Variants in KCNQ1 observed in about 807,000 individuals in gnomAD.
KCNQ1 encodes the protein potassium voltage-gated channel subfamily KQT member 1.
A neutral mutation model predicts 72.4 loss-of-function variants in KCNQ1; 49 were observed. That is an observed-to-expected ratio of 0.68 (90% CI 0.54 to 0.86). KCNQ1 has a LOEUF of 0.86. KCNQ1 is among the 40% of genes least tolerant of loss of function. The pLI is 0.00. For synonymous variants in KCNQ1, 450 were observed against 412.6 expected (o/e 1.09, Z -1.10); for missense variants, 790 against 945.1 (o/e 0.84, Z 2.15).
intron 11 of KCNQ1, chr11:2,665,785 C>T: frequency 2.5e-6 from 1 of 398,640 alleles, no homozygotes. Context: ...TCACTCAACC[C>T]TGCCTAAGAT....
At chr11:2,672,745 T>C (rs2133870192) in intron 11 of KCNQ1, 1 of 398,872 alleles carries the variant, frequency 2.5e-6, no homozygotes, top group Non-Finnish European at 4.4e-6. Flanking sequence ...CTATGCTTTT[T>C]TGCTGGTCCA....
intron 1 of KCNQ1, among the ~76,000 whole-genome samples, chr11:2,505,399 T>C (rs1254207254): frequency 6.6e-6 from 1 of 152,200 alleles, no homozygotes; most frequent in Non-Finnish European, 1.5e-5. Context: ...TGGCCTGATC[T>C]CTCCTGGGAA....
chr11:2,816,063 C>T lies in KCNQ1; in HGVS notation c.1795-31704C>T, dbSNP rs567800964. Among the ~76,000 whole-genome samples the T allele has an allele frequency of 2.0e-5, 3 of 152,130 alleles. No homozygotes were observed. Among genetic ancestry groups the T allele is most frequent in the East Asian group, 1.9e-4 (1 of 5,186 alleles). ...TAGATGAATGTGGACGGCTGGCGGC[C>T]GGGGCTTGGGAGATCAAGAAGTCCC... On this transcript the variant is annotated intron_variant, in intron 15 of 15. Transcript: ENST00000155840. This position sits in a 1 kb window ranked among gnomAD's most constrained non-coding sequence, Gnocchi z 6.8.
chr11:2,573,105 C>T, intron 6 of KCNQ1, 119 bp downstream of exon 6: 1 of 1,195,676 alleles, frequency 8.4e-7, no homozygotes. Context: ...CACCTGCACG[C>T]TCACAGGCCT....
At chr11:2,740,685 A>G (rs890454535) in intron 11 of KCNQ1, among the ~76,000 whole-genome samples, 1 of 152,208 alleles carries the variant, frequency 6.6e-6, no homozygotes, top group African/African-American at 2.4e-5. Flanking sequence ...TGGAGGCTCT[A>G]GGGAGAGTCC....
rs1015089521 is a variant in KCNQ1, at chr11:2,537,059, T to C, written c.477+9041T>C. On this transcript the variant is annotated intron_variant, in intron 2 of 15. Transcript: ENST00000155840. The surrounding 1 kb of genome is among the most constrained non-coding windows in gnomAD (Gnocchi z 5.2). ...ACTCCACTGTGACCCCCCTCCTAAC[T>C]GATCATATCTGCAGGGACCCCATTT... 2.6e-5 allele frequency among the ~76,000 whole-genome samples: 4 copies of C among 151,992 alleles called. No individual in the cohort carries two copies. The highest frequency in any genetic ancestry group is 4.8e-5 in the African/African-American group (2 of 41,272).
Position 2,772,985 on chromosome 11 carries a change from G to A in KCNQ1, c.1591-2975G>A, listed in dbSNP as rs888430211. 2.0e-5 allele frequency among the ~76,000 whole-genome samples: 3 copies of A among 152,190 alleles called. No homozygotes were observed. Among genetic ancestry groups the A allele is most frequent in the East Asian group, 1.9e-4 (1 of 5,202 alleles). On this transcript the variant is annotated intron_variant, in intron 12 of 15. Transcript: ENST00000155840. This position sits in a 1 kb window ranked among gnomAD's most constrained non-coding sequence, Gnocchi z 6.6. ...TCAATGTGTTCTGAAGAGAGGCTTCGGCCACAGCTGGCTGTGACTCTGGCT... is the reference window on the plus strand; with the variant it reads ...TCAATGTGTTCTGAAGAGAGGCTTCAGCCACAGCTGGCTGTGACTCTGGCT...
chr11:2,534,028 C>G (rs1205673854), intron 2 of KCNQ1, among the ~76,000 whole-genome samples: 1 of 152,158 alleles, frequency 6.6e-6, no homozygotes, highest in East Asian at 1.9e-4. Flanking sequence ...GGTGGCCCAC[C>G]CCTCCCGCCA....
At chr11:2,790,097 C>T (rs1846991082) in intron 15 of KCNQ1, among the ~76,000 whole-genome samples, 1 of 152,202 alleles carries the variant, frequency 6.6e-6, no homozygotes. Context: ...GATCATATCC[C>T]AATGACCCTC....
chr11:2,562,098 G>C lies in KCNQ1; in HGVS notation c.478-8530G>C, dbSNP rs1243630198. 6.6e-6 allele frequency among the ~76,000 whole-genome samples: 1 copy of C among 151,928 alleles called. No individual in the cohort carries two copies. The highest frequency in any genetic ancestry group is 1.5e-5 in the Non-Finnish European group (1 of 67,942). Reference sequence around the variant, plus strand: ...AGGACAGGGCAGCCGGACCCCGACTGTGCCACCCTCAGCCCAGTGGATGGT... The same window carrying C: ...AGGACAGGGCAGCCGGACCCCGACTCTGCCACCCTCAGCCCAGTGGATGGT... On this transcript the variant is annotated intron_variant, in intron 2 of 15. Coordinates refer to ENST00000155840, the MANE Select transcript of KCNQ1 (RefSeq NM_000218.3). This position sits in a 1 kb window ranked among gnomAD's most constrained non-coding sequence, Gnocchi z 7.5.
In KCNQ1 at chr11:2,538,239, T is replaced by C. The variant is rs1440577192; in HGVS notation, c.477+10221T>C. Among the ~76,000 whole-genome samples, 3 of 152,094 alleles carry C rather than the reference T, an allele frequency of 2.0e-5. No individual in the cohort carries two copies. The highest frequency in any genetic ancestry group is 4.4e-5 in the Non-Finnish European group (3 of 68,006). Reference sequence around the variant, plus strand: ...CTCATTGCACATGGCTGTCACGCGGTTTCAGCTTCTTTGACCTGGAGCAGC... The same window carrying C: ...CTCATTGCACATGGCTGTCACGCGGCTTCAGCTTCTTTGACCTGGAGCAGC... On this transcript the variant is annotated intron_variant, in intron 2 of 15. Transcript: ENST00000155840. This position sits in a 1 kb window ranked among gnomAD's most constrained non-coding sequence, Gnocchi z 6.7.
At position 2,663,912 on chromosome 11, in the gene KCNQ1, G is replaced by C. The variant is rs1318941330; in HGVS notation, c.1514+1831G>C. On this transcript the variant is annotated intron_variant, in intron 11 of 15. Transcript: ENST00000155840. This position sits in a 1 kb window ranked among gnomAD's most constrained non-coding sequence, Gnocchi z 5.2. ...AAGCCAGTGTGGCTGTGTCATCTAGGACACTGGGCTGTTTCTTGTTCCACT... is the reference window on the plus strand; with the variant it reads ...AAGCCAGTGTGGCTGTGTCATCTAGCACACTGGGCTGTTTCTTGTTCCACT... 2.5e-6 allele frequency: 1 copy of C among 398,568 alleles called. No individual in the cohort carries two copies. The highest frequency in any genetic ancestry group is 4.4e-6 in the Non-Finnish European group (1 of 226,116). The allele number at this position is 398,568 out of a possible 1,614,324, so 24.7% of individuals were successfully genotyped here.
In KCNQ1 at chr11:2,664,926, G is replaced by A. The variant is rs1051801991; in HGVS notation, c.1514+2845G>A. 1.5e-5 allele frequency: 6 copies of A among 398,512 alleles called. No individual in the cohort carries two copies. Among genetic ancestry groups the A allele is most frequent in the Non-Finnish European group, 2.2e-5 (5 of 226,080 alleles). The allele number at this position is 398,512 out of a possible 1,614,324, so 24.7% of individuals were successfully genotyped here. Reference sequence around the variant, plus strand: ...CCATCTCGAGCTCTCCCCGCCCGCAGGGCCCCAGAGAGGTGAGGTCACTAT... The same window carrying A: ...CCATCTCGAGCTCTCCCCGCCCGCAAGGCCCCAGAGAGGTGAGGTCACTAT... On this transcript the variant is annotated intron_variant, in intron 11 of 15. Transcript: ENST00000155840. The surrounding 1 kb of genome is among the most constrained non-coding windows in gnomAD (Gnocchi z 5.1).
At chr11:2,835,993 C>A (rs1015611514) in intron 15 of KCNQ1, among the ~76,000 whole-genome samples, 1 of 151,728 alleles carries the variant, frequency 6.6e-6, no homozygotes, top group Non-Finnish European at 1.5e-5. Context: ...GAATCGAAGT[C>A]ATAGGAGGCG....
chr11:2,641,118 G>T (rs947865615), intron 10 of KCNQ1: 2 of 398,350 alleles, frequency 5.0e-6, no homozygotes, highest in African/African-American at 4.1e-5. Context: ...GAATAGTGCT[G>T]CAATAAACAC....
chr11:2,728,928 TG>T (rs1446365286), intron 11 of KCNQ1, among the ~76,000 whole-genome samples: 1 of 152,250 alleles, frequency 6.6e-6, no homozygotes, highest in Non-Finnish European at 1.5e-5. Flanking sequence ...TTGCCTGATT[TG>T]GGGCAGATAG....
Position 2,715,950 on chromosome 11 carries a change from C to T in KCNQ1, c.1515-52894C>T, listed in dbSNP as rs1418038887. On this transcript the variant is annotated intron_variant, in intron 11 of 15. Transcript: ENST00000155840. The surrounding 1 kb of genome is among the most constrained non-coding windows in gnomAD (Gnocchi z 4.9). ...TGGTGATGCAAACCATAAACCTGTC[C>T]CCCACGTCACCTCCAAACCCTTTGG... Among the ~76,000 whole-genome samples the T allele has an allele frequency of 1.3e-5, 2 of 151,848 alleles. No homozygotes were observed. Among genetic ancestry groups the T allele is most frequent in the Non-Finnish European group, 2.9e-5 (2 of 68,020 alleles).
At chr11:2,606,462 T>C (rs1394056979) in intron 10 of KCNQ1, among the ~76,000 whole-genome samples, 2 of 152,148 alleles carry the variant, frequency 1.3e-5, no homozygotes, top group African/African-American at 2.4e-5. Flanking sequence ...TAGTTTATGC[T>C]AAGAGCTGGT....
rs910980030 is a variant in KCNQ1, at chr11:2,704,552, C to T, written c.1514+42471C>T. Among the ~76,000 whole-genome samples the T allele has an allele frequency of 1.3e-5, 2 of 152,156 alleles. No individual in the cohort carries two copies. Among genetic ancestry groups the T allele is most frequent in the Admixed American group, 1.3e-4 (2 of 15,280 alleles). ...TGGGGAGTCTCTAGGAGGTTTTGGG[C>T]AAGGCAGTGCCAAGGATCAGATCTC... is the stretch of plus-strand genomic sequence containing the variant. On this transcript the variant is annotated intron_variant, in intron 11 of 15. Coordinates refer to ENST00000155840, the MANE Select transcript of KCNQ1 (RefSeq NM_000218.3). This position sits in a 1 kb window ranked among gnomAD's most constrained non-coding sequence, Gnocchi z 4.3.
Sources: gnomAD v4.1 joint callset for allele counts (sites outside exome capture counted in the v4.1 genomes callset) on GRCh38, gnomAD v4.1.1 for gene constraint, Gnocchi (gnomAD v3.1) non-coding constraint, MANE v1.5 for transcripts, NCBI Gene and HGNC (gene_info 2026-07-23, HGNC 2026-07-21) for gene names.